The following PDK1 variants were observed in gnomAD, a reference collection of about 807,000 sequenced individuals.
PDK1 encodes the protein pyruvate dehydrogenase kinase 1.
PDK1 carries 39 observed loss-of-function variants against 54.2 expected under a neutral mutation model. That is an observed-to-expected ratio of 0.72 (90% CI 0.56 to 0.94). The LOEUF (loss-of-function observed/expected upper bound fraction) is 0.94. PDK1 is among the 40% of genes least tolerant of loss of function. The pLI is 0.00. For missense variants in PDK1, 552 were observed against 566.0 expected, an observed-to-expected ratio of 0.98 and a Z score of 0.25; for synonymous variants, 221 against 207.1, an observed-to-expected ratio of 1.07 and a Z score of -0.58.
intron 9 of PDK1, 150 bp downstream of exon 9, chr2:172,586,538 A>G: frequency 1.9e-6 from 1 of 513,408 alleles, no homozygotes; most frequent in Non-Finnish European, 3.5e-6. Context: ...AAATTTAAAC[A>G]GCCTTCAGAA....
At chr2:172,632,807 C>CAA in the PDK1 span, among the ~76,000 whole-genome samples, 1 of 151,532 alleles carries the variant, frequency 6.6e-6, no homozygotes, top group Non-Finnish European at 1.5e-5. Flanking sequence ...TGGTGAAAAC[C>CAA]CATGTCTTCT....
chr2:172,707,095 C>A, the PDK1 span, among the ~76,000 whole-genome samples: 1 of 152,146 alleles, frequency 6.6e-6, no homozygotes, highest in Non-Finnish European at 1.5e-5. Context: ...CTCTGGTAGG[C>A]CTCCTCTGAT....
chr2:172,562,676 TTGTAA>T (rs1187580087), intron 3 of PDK1: 1 of 886,150 alleles, frequency 1.1e-6, no homozygotes, highest in African/African-American at 1.7e-5. Context: ...AAGTCTAGAT[TTGTAA>T]TGTAAAATCT....
At chr2:172,585,529 T>C (rs948131619) in intron 8 of PDK1, among the ~76,000 whole-genome samples, 1 of 151,986 alleles carries the variant, frequency 6.6e-6, no homozygotes, top group Non-Finnish European at 1.5e-5. Flanking sequence ...TTTCGCTGTG[T>C]GGGCCAAACT....
At chr2:172,632,198 C>T in the PDK1 span, among the ~76,000 whole-genome samples, 305 of 151,540 alleles carry the variant, frequency 2.0e-3, 1 homozygote, top group Non-Finnish European at 3.5e-3. Context: ...ACCCAGGAGG[C>T]GGAGATTGCA....
chr2:172,589,335 A>G (rs1206358123), intron 9 of PDK1, among the ~76,000 whole-genome samples: 1 of 152,326 alleles, frequency 6.6e-6, no homozygotes, highest in East Asian at 1.9e-4. Context: ...ATAGCACAGG[A>G]ACCCAGGGCT....
chr2:172,583,736 T>G (rs761990584), intron 8 of PDK1, among the ~76,000 whole-genome samples: 16 of 152,102 alleles, frequency 1.1e-4, no homozygotes, highest in Non-Finnish European at 2.4e-4. Flanking sequence ...ATAATTACCA[T>G]TATAAAGGTA....
intron 2 of PDK1, among the ~76,000 whole-genome samples, chr2:172,560,056 G>A (rs976998849): frequency 6.6e-5 from 10 of 152,164 alleles, no homozygotes; most frequent in African/African-American, 1.2e-4. Flanking sequence ...TGTTGCCTAC[G>A]CTGGCCTCAA....
chr2:172,643,154 A>G, the PDK1 span, among the ~76,000 whole-genome samples: 4 of 152,196 alleles, frequency 2.6e-5, no homozygotes, highest in African/African-American at 9.7e-5. Flanking sequence ...CATGTTTGTT[A>G]TAAGCCATTA....
the PDK1 span, among the ~76,000 whole-genome samples, chr2:172,622,560 T>TATGTTTATATCTCATATTATGTGAG: frequency 7.0e-6 from 1 of 143,614 alleles, no homozygotes; most frequent in African/African-American, 2.5e-5. Flanking sequence ...TCATGTGAGA[T>TATGTTTATATCTCATATTATGTGAG]ATGTTTATAT....
the PDK1 span, among the ~76,000 whole-genome samples, chr2:172,690,283 A>C: frequency 6.6e-6 from 1 of 150,588 alleles, no homozygotes; most frequent in Non-Finnish European, 1.5e-5. Context: ...GAGAAATGCA[A>C]ATCAAAACCA....
the PDK1 span, among the ~76,000 whole-genome samples, chr2:172,620,664 C>G: frequency 6.6e-6 from 1 of 152,094 alleles, no homozygotes; most frequent in Non-Finnish European, 1.5e-5. Flanking sequence ...AGTGTAACAC[C>G]ATCCCCTTGG....
the PDK1 span, among the ~76,000 whole-genome samples, chr2:172,646,144 A>G: frequency 3.3e-5 from 5 of 152,268 alleles, no homozygotes; most frequent in African/African-American, 1.2e-4. Context: ...AGATAATAAT[A>G]TGCAAAATAG....
At chr2:172,568,494 A>AT (rs1337637390) in intron 6 of PDK1, among the ~76,000 whole-genome samples, 4 of 152,184 alleles carry the variant, frequency 2.6e-5, no homozygotes, top group Admixed American at 1.3e-4. Flanking sequence ...AAATGGGCGC[A>AT]TGGGTTGGTT....
the PDK1 span, among the ~76,000 whole-genome samples, chr2:172,715,598 C>A: frequency 4.6e-5 from 7 of 152,212 alleles, no homozygotes; most frequent in East Asian, 1.4e-3. Flanking sequence ...GTGACAACTG[C>A]CCGCCTCATG....
the PDK1 span, among the ~76,000 whole-genome samples, chr2:172,636,712 C>A: frequency 1.2e-3 from 142 of 113,730 alleles, 2 homozygotes; most frequent in African/African-American, 3.8e-3. Flanking sequence ...CAGAGCAAGA[C>A]TCCATCTCAA....
At chr2:172,634,333 C>T in the PDK1 span, among the ~76,000 whole-genome samples, 85 of 137,968 alleles carry the variant, frequency 6.2e-4, no homozygotes, top group African/African-American at 2.0e-3. Context: ...AGTGCAATGG[C>T]GCAATCTCAG....
In PDK1 at chr2:172,558,738, T is replaced by A; in HGVS notation, c.227T>A (p.Phe76Tyr). The A allele has an allele frequency of 6.2e-7, 1 of 1,610,494 alleles. No individual in the cohort carries two copies. The highest frequency in any genetic ancestry group is 8.5e-7 in the Non-Finnish European group (1 of 1,178,996). The change falls in exon 2 of 11, where the codon TTT becomes TAT. Residue 76 changes from phenylalanine to tyrosine, a missense_variant. Coordinates refer to ENST00000282077, the MANE Select transcript of PDK1 (RefSeq NM_002610.5). The part of the protein sequence containing the change: ...GSVNACEKTS[F>Y]MFLRQELPVR... Reference sequence around the variant, plus strand: ...GTGAATGCTTGTGAAAAGACCTCATTTATGTTTCTGCGGCAAGAGTTGCCT... The same window carrying A: ...GTGAATGCTTGTGAAAAGACCTCATATATGTTTCTGCGGCAAGAGTTGCCT...
rs1387557177 is a variant in PDK1, at chr2:172,606,702, G to A, written c.*10733G>A. ...TTTTAGTGCTCTGTGGTAGCAGAGA[G>A]AATGGTGGTAGTTTATTTTTTCTTT... On this transcript the variant is annotated 3_prime_UTR_variant, in exon 11 of 11. Transcript: ENST00000282077. The A allele has an allele frequency of 3.3e-5, 5 of 149,514 alleles. No homozygotes were observed. The highest frequency in any genetic ancestry group is 1.2e-4 in the African/African-American group (5 of 40,438). 9.3% of individuals were successfully genotyped at this position (149,514 alleles called of 1,614,324 possible).
Sources: gnomAD v4.1 joint callset for allele counts (sites outside exome capture counted in the v4.1 genomes callset) on GRCh38, gnomAD v4.1.1 for gene constraint, MANE v1.5 for transcripts, NCBI Gene and HGNC (gene_info 2026-07-23, HGNC 2026-07-21) for gene names.